The following RCAN2 variants were observed in gnomAD, a reference collection of about 807,000 sequenced individuals.
The protein encoded by RCAN2 is regulator of calcineurin 2.
Under a neutral mutation model 23.6 loss-of-function variants are expected in RCAN2, and 9 were observed. The observed-to-expected ratio is 0.38, with a 90% CI of 0.23 to 0.67. The LOEUF (loss-of-function observed/expected upper bound fraction) is 0.67, where lower values mean the gene tolerates loss of function less well. Among genes scored for constraint, RCAN2 ranks in the 30% least tolerant of loss-of-function variants. RCAN2 has a pLI of 0.51. For missense variants in RCAN2, 273 were observed against 302.3 expected (o/e 0.90, Z 0.72); for synonymous variants, 109 against 115.7 (o/e 0.94, Z 0.37).
At chr6:46,255,144 C>A (rs1172173717) in intron 2 of RCAN2, among the ~76,000 whole-genome samples, 1 of 152,178 alleles carries the variant, frequency 6.6e-6, no homozygotes, top group Non-Finnish European at 1.5e-5. Flanking sequence ...AACCAGATGA[C>A]TCTGGGAAGA....
intron 2 of RCAN2, among the ~76,000 whole-genome samples, chr6:46,436,413 C>T (rs1213809278): frequency 6.6e-6 from 1 of 152,158 alleles, no homozygotes; most frequent in Non-Finnish European, 1.5e-5. Context: ...CGGGGTTTCT[C>T]CATGTTGGCC....
intron 2 of RCAN2, among the ~76,000 whole-genome samples, chr6:46,351,264 T>A (rs544767559): frequency 6.6e-6 from 1 of 152,208 alleles, no homozygotes; most frequent in African/African-American, 2.4e-5. Context: ...CCTTCCAGCA[T>A]TTGACACTTC....
intron 2 of RCAN2, among the ~76,000 whole-genome samples, chr6:46,302,581 T>G (rs769447769): frequency 2.0e-5 from 3 of 152,116 alleles, no homozygotes; most frequent in South Asian, 2.1e-4. Flanking sequence ...CATTAGGACC[T>G]AAACAAATGC....
chr6:46,315,854 GC>G (rs1206892847), intron 2 of RCAN2, among the ~76,000 whole-genome samples: 2 of 152,132 alleles, frequency 1.3e-5, no homozygotes, highest in African/African-American at 4.8e-5. Context: ...CTCATTTCCT[GC>G]TGTCTCCTGT....
At chr6:46,403,954 G>A (rs1473673940) in intron 2 of RCAN2, among the ~76,000 whole-genome samples, 2 of 152,172 alleles carry the variant, frequency 1.3e-5, no homozygotes, top group African/African-American at 4.8e-5. Flanking sequence ...AGGTGCGCTG[G>A]CTCACGCCTG....
chr6:46,359,162 TG>T (rs1313284145), intron 2 of RCAN2, among the ~76,000 whole-genome samples: 1 of 152,236 alleles, frequency 6.6e-6, no homozygotes, highest in Middle Eastern at 3.2e-3. Context: ...TTGCTGGTCC[TG>T]AAATCACATT....
chr6:46,373,408 T>C (rs1355059486), intron 2 of RCAN2, among the ~76,000 whole-genome samples: 1 of 152,012 alleles, frequency 6.6e-6, no homozygotes, highest in Non-Finnish European at 1.5e-5. Flanking sequence ...GGGATTACAG[T>C]CATGCACTAC....
chr6:46,436,791 G>T (rs1178339869), intron 2 of RCAN2, among the ~76,000 whole-genome samples: 3 of 152,114 alleles, frequency 2.0e-5, no homozygotes, highest in African/African-American at 7.2e-5. Flanking sequence ...TAGATGCTAA[G>T]GCCCTCTCTC....
At chr6:46,392,662 A>C (rs564020245) in intron 2 of RCAN2, among the ~76,000 whole-genome samples, 69 of 152,194 alleles carry the variant, frequency 4.5e-4, no homozygotes, top group Non-Finnish European at 6.3e-4. Context: ...GGATATACTT[A>C]TTATTTGTTG....
At chr6:46,228,595 A>G (rs1201976149) in intron 4 of RCAN2, among the ~76,000 whole-genome samples, 1 of 146,816 alleles carries the variant, frequency 6.8e-6, no homozygotes, top group Non-Finnish European at 1.5e-5. Flanking sequence ...TAGGATTGCA[A>G]CCCCTGCTTT....
At chr6:46,255,456 G>C (rs1009389683) in intron 2 of RCAN2, among the ~76,000 whole-genome samples, 1 of 152,140 alleles carries the variant, frequency 6.6e-6, no homozygotes, top group Non-Finnish European at 1.5e-5. Flanking sequence ...AGTTTTGTAG[G>C]AATGACATAG....
chr6:46,316,785 G>A (rs547699489), intron 2 of RCAN2, among the ~76,000 whole-genome samples: 27 of 152,282 alleles, frequency 1.8e-4, no homozygotes, highest in African/African-American at 6.5e-4. Flanking sequence ...GGAAAGGTAG[G>A]CTGAGATTTT....
At chr6:46,394,217 T>C (rs746943807) in intron 2 of RCAN2, among the ~76,000 whole-genome samples, 15 of 152,236 alleles carry the variant, frequency 9.9e-5, no homozygotes, top group Non-Finnish European at 1.8e-4. Context: ...TTTAAGTCCG[T>C]GACAGGTGGC....
intron 2 of RCAN2, among the ~76,000 whole-genome samples, chr6:46,343,566 G>A (rs1044305146): frequency 2.6e-5 from 4 of 151,786 alleles, no homozygotes; most frequent in East Asian, 1.9e-4. Flanking sequence ...TAGTAGAGAC[G>A]GGGTTTCACT....
At chr6:46,346,270 GTGAAA>G in intron 2 of RCAN2, among the ~76,000 whole-genome samples, 1 of 152,052 alleles carries the variant, frequency 6.6e-6, no homozygotes, top group Non-Finnish European at 1.5e-5. Flanking sequence ...AATCTCTATA[GTGAAA>G]AGGAAAAGAA....
rs928773463 is a variant in RCAN2 at position 46,414,211 on chromosome 6, C to G, written c.225+42541G>C. Among the ~76,000 whole-genome samples, 54 of 152,264 alleles carry G rather than the reference C, an allele frequency of 3.5e-4. 1 individual carries two copies. Among genetic ancestry groups the G allele is most frequent in the Admixed American group, 1.2e-3 (18 of 15,304 alleles). ...AATAAGTGCCCATTTTGCATAGACT[C>G]TTATGCAGATATCATGAATTATACA... On this transcript the variant is annotated intron_variant, in intron 2 of 4. Transcript: ENST00000371374.
At chr6:46,327,106 G>T (rs568860403) in intron 2 of RCAN2, among the ~76,000 whole-genome samples, 25 of 152,300 alleles carry the variant, frequency 1.6e-4, no homozygotes, top group African/African-American at 6.0e-4. Context: ...ATAAAATGAT[G>T]AAAAAGCAAA....
intron 2 of RCAN2, among the ~76,000 whole-genome samples, chr6:46,445,013 C>T (rs1767662283): frequency 6.6e-6 from 1 of 152,152 alleles, no homozygotes; most frequent in African/African-American, 2.4e-5. Flanking sequence ...ACACAGGGTC[C>T]AGGCCTACCA....
chr6:46,233,878 C>G (rs897312289), intron 4 of RCAN2, among the ~76,000 whole-genome samples: 22 of 152,058 alleles, frequency 1.4e-4, no homozygotes, highest in Non-Finnish European at 2.9e-5. Context: ...CAGGCACCTA[C>G]GATCACACCC....
Sources: allele counts gnomAD v4.1 joint callset (sites outside exome capture counted in the v4.1 genomes callset), GRCh38; gene constraint gnomAD v4.1.1; transcripts MANE v1.5; gene names NCBI Gene and HGNC (gene_info 2026-07-23, HGNC 2026-07-21).